Variants in SYNC observed in about 807,000 individuals in gnomAD.
The protein encoded by SYNC is syncoilin, intermediate filament protein.
Under a neutral mutation model 49.5 loss-of-function variants are expected in SYNC, and 38 were observed. The ratio of observed to expected loss-of-function variants is 0.77; its 90% confidence interval spans 0.59 to 1.01. SYNC has a LOEUF of 1.01. Ranked by LOEUF, SYNC falls within the 50% of genes least tolerant of loss-of-function variation. SYNC has a pLI of 0.00. For synonymous variants in SYNC, 201 were observed against 230.8 expected (o/e 0.87, Z 1.17); for missense variants, 579 against 580.6 (o/e 1.00, Z 0.03).
chr1:32,684,338 A>G lies in SYNC; in HGVS notation c.1278T>C (p.Asn426=). 6.2e-7 allele frequency: 1 copy of G among 1,614,132 alleles called. No individual in the cohort carries two copies. ...EMEERQRQLR[N]GVQLQQQKNK... Reference sequence around the variant, plus strand: ...TCTTCTGTTGCTGGAGTTGCACCCCATTTCTTAACTGCCTCTGGCGTTCTT... The same window carrying G: ...TCTTCTGTTGCTGGAGTTGCACCCCGTTTCTTAACTGCCTCTGGCGTTCTT... Residue 426 remains asparagine (N), a synonymous_variant, in exon 3 of 5, where the codon AAT becomes AAC. Transcript: ENST00000409190.
intron 2 of SYNC, among the ~76,000 whole-genome samples, chr1:32,693,840 T>C (rs1650277989): frequency 6.6e-6 from 1 of 152,184 alleles, no homozygotes. Flanking sequence ...GAGGATTCTA[T>C]TAAGGTTGGT....
intron 2 of SYNC, among the ~76,000 whole-genome samples, chr1:32,689,709 G>A (rs1650065241): frequency 6.6e-6 from 1 of 152,026 alleles, no homozygotes; most frequent in Non-Finnish European, 1.5e-5. Flanking sequence ...TTGGGAAGCC[G>A]AGGCGGGCAG....
In SYNC at chr1:32,684,333, A is replaced by C. The variant is rs1570894158; in HGVS notation, c.1283T>G (p.Val428Gly). 1 of 1,614,100 alleles carries C rather than the reference A, an allele frequency of 6.2e-7. No individual in the cohort carries two copies. Among genetic ancestry groups the C allele is most frequent in the Non-Finnish European group, 8.5e-7 (1 of 1,180,018 alleles). Residue 428 changes from valine to glycine, a missense_variant, in exon 3 of 5, where the codon GTG becomes GGG. Physicochemically the swap from Val to Gly is moderately radical, Grantham distance 109 (BLOSUM62 -3). Coordinates refer to ENST00000409190, the MANE Select transcript of SYNC (RefSeq NM_030786.3). ...TTTGTTCTTCTGTTGCTGGAGTTGC[A>C]CCCCATTTCTTAACTGCCTCTGGCG... Reference protein sequence around the residue: ...EERQRQLRNGVQLQQQKNKEM... With the variant: ...EERQRQLRNGGQLQQQKNKEM...
At chr1:32,687,921 C>A (rs1649965387) in intron 2 of SYNC, among the ~76,000 whole-genome samples, 1 of 150,680 alleles carries the variant, frequency 6.6e-6, no homozygotes, top group Non-Finnish European at 1.5e-5. Flanking sequence ...ACCATCTTGG[C>A]TCACTGCAAC....
chr1:32,689,218 G>A (rs1239869756), intron 2 of SYNC, among the ~76,000 whole-genome samples: 2 of 127,272 alleles, frequency 1.6e-5, no homozygotes, highest in African/African-American at 2.9e-5. Flanking sequence ...TTACAGGCGT[G>A]AGGCACCTCG....
At chr1:32,687,666 GTC>G in intron 2 of SYNC, among the ~76,000 whole-genome samples, 1 of 53,882 alleles carries the variant, frequency 1.9e-5, no homozygotes, top group Non-Finnish European at 5.5e-5. Context: ...GCGAGGCTCC[GTC>G]TCAAAAAAAA....
chr1:32,699,820 G>A (rs753567551), intron 1 of SYNC, among the ~76,000 whole-genome samples: 1 of 150,670 alleles, frequency 6.6e-6, no homozygotes, highest in East Asian at 2.0e-4. Flanking sequence ...TGCAACCTCC[G>A]GCTCCTGGTT....
intron 2 of SYNC, among the ~76,000 whole-genome samples, chr1:32,693,426 T>A (rs939162473): frequency 6.6e-6 from 1 of 152,174 alleles, no homozygotes; most frequent in Non-Finnish European, 1.5e-5. Context: ...CTTGACAAAA[T>A]CTTCAGTGAA....
chr1:32,698,245 G>A (rs1323775570), intron 1 of SYNC, among the ~76,000 whole-genome samples: 2 of 151,176 alleles, frequency 1.3e-5, no homozygotes, highest in East Asian at 1.9e-4. Context: ...AATGCCGGGC[G>A]TGGTGGCTCA....
rs558275026 is a variant in SYNC, at chr1:32,688,773, G to C, written c.1234-4391C>G. ...AATTTTTTGTATTTTTAGCGAGACA[G>C]GGTTTCACCGTGTTAGCCAGGATGG... On this transcript the variant is annotated intron_variant, in intron 2 of 4. Coordinates refer to ENST00000409190, the MANE Select transcript of SYNC (RefSeq NM_030786.3). Among the ~76,000 whole-genome samples, 98 of 151,528 alleles carry C rather than the reference G, an allele frequency of 6.5e-4. 1 individual carries two copies. Among genetic ancestry groups the C allele is most frequent in the Non-Finnish European group, 1.0e-4 (7 of 67,862 alleles).
intron 1 of SYNC, among the ~76,000 whole-genome samples, chr1:32,696,317 A>C (rs1650425743): frequency 6.6e-6 from 1 of 151,964 alleles, no homozygotes; most frequent in Non-Finnish European, 1.5e-5. Flanking sequence ...CACAATTATA[A>C]TAATTTTTTT....
chr1:32,698,095 T>A (rs1359663176), intron 1 of SYNC, among the ~76,000 whole-genome samples: 1 of 151,452 alleles, frequency 6.6e-6, no homozygotes, highest in Non-Finnish European at 1.5e-5. Context: ...TGATGGTGCA[T>A]GCCTGTAATC....
intron 2 of SYNC, among the ~76,000 whole-genome samples, chr1:32,688,565 C>T (rs1414663394): frequency 6.6e-6 from 1 of 152,128 alleles, no homozygotes; most frequent in African/African-American, 2.4e-5. Flanking sequence ...TTAGATTTTA[C>T]GAAATACATT....
Position 32,695,863 on chromosome 1 carries a change from C to T in SYNC, c.235G>A (p.Ala79Thr). The T allele has an allele frequency of 6.4e-7, 1 of 1,552,076 alleles. No individual in the cohort carries two copies. The highest frequency in any genetic ancestry group is 1.2e-5 in the South Asian group (1 of 84,044). ...ETLYVQETEK[A>T]EEALYIEEAM... ...TCCTCAATATACAGGGCCTCCTCTG[C>T]CTTCTCAGTCTCTTGCACATAGAGT... The change falls in exon 2 of 5, where the codon GCA (alanine) becomes ACA (threonine). Residue 79 changes from alanine (A) to threonine (T), a missense_variant. Ala to Thr is a moderately conservative substitution (Grantham distance 58). Coordinates refer to ENST00000409190, the MANE Select transcript of SYNC (RefSeq NM_030786.3).
In SYNC at chr1:32,695,241, T is replaced by G; in HGVS notation, c.857A>C (p.Glu286Ala). 1 of 1,552,354 alleles carries G rather than the reference T, an allele frequency of 6.4e-7. No homozygotes were observed. Among genetic ancestry groups the G allele is most frequent in the Non-Finnish European group, 8.7e-7 (1 of 1,147,288 alleles). ...GGCATCCCGGAGCTGGGCCAGTTCC[T>G]CTGAGAGCTGGGTTGCCCTTGTAGT... ...VLTTRATQLSEELAQLRDAYQ... is the reference protein window; with the variant it reads ...VLTTRATQLSAELAQLRDAYQ... Residue 286 changes from glutamate to alanine, a missense_variant, in exon 2 of 5, where the codon GAG becomes GCG. Coordinates refer to ENST00000409190, the MANE Select transcript of SYNC (RefSeq NM_030786.3).
chr1:32,697,373 G>A (rs1650479376), intron 1 of SYNC, among the ~76,000 whole-genome samples: 1 of 151,696 alleles, frequency 6.6e-6, no homozygotes, highest in Non-Finnish European at 1.5e-5. Context: ...AAGAGGCAGA[G>A]GTTGCAGTGA....
intron 2 of SYNC, chr1:32,684,861 A>C (rs1570896062): frequency 6.5e-6 from 1 of 153,696 alleles, no homozygotes; most frequent in Non-Finnish European, 1.4e-5. Context: ...GTGGAAGTCC[A>C]TGTTTAGAAA....
rs989517086 is a variant in SYNC at position 32,687,861 on chromosome 1, A to ATTTTTTTTTTTT, written c.1234-3480_1234-3479insAAAAAAAAAAAA. Among the ~76,000 whole-genome samples the ATTTTTTTTTTTT allele has an allele frequency of 9.0e-4, 132 of 146,444 alleles. 1 individual carries two copies. The highest frequency in any genetic ancestry group is 3.6e-3 in the Middle Eastern group (1 of 276). ...TATTATTATTATTATTATTATTATTATTTTTTGAGATGGAGTCTTGCTCTG... is the reference window on the plus strand; with the variant it reads ...TATTATTATTATTATTATTATTATTATTTTTTTTTTTTTTTTTTGAGATGGAGTCTTGCTCTG... On this transcript the variant is annotated intron_variant, in intron 2 of 4. Transcript: ENST00000409190.
Position 32,681,552 on chromosome 1 carries a change from A to G in SYNC, c.*298T>C, listed in dbSNP as rs995255490. ...CATACATTCATCCTTCACTCAGTGC[A>G]TATGTGAGGGTTGTTGCTGGAAGAC... On this transcript the variant is annotated 3_prime_UTR_variant, in exon 5 of 5. Coordinates refer to ENST00000409190, the MANE Select transcript of SYNC (RefSeq NM_030786.3). 26 of 534,810 alleles carry G rather than the reference A, an allele frequency of 4.9e-5. No individual in the cohort carries two copies. The highest frequency in any genetic ancestry group is 5.1e-4 in the Middle Eastern group (1 of 1,974). 33.1% of individuals were successfully genotyped at this position (534,810 alleles called of 1,614,324 possible).
Sources: allele counts gnomAD v4.1 joint callset (sites outside exome capture counted in the v4.1 genomes callset), GRCh38; gene constraint gnomAD v4.1.1; transcripts MANE v1.5; gene names NCBI Gene and HGNC (gene_info 2026-07-23, HGNC 2026-07-21).